Variants in CADM1 observed in about 807,000 individuals in gnomAD.
CADM1 encodes the protein TSLC-1.
In CADM1, 15 loss-of-function variants were observed where a neutral mutation model predicts 53.1. The observed-to-expected ratio is 0.28, with a 90% confidence interval of 0.19 to 0.44. CADM1 has a LOEUF of 0.44. Ranked by LOEUF, CADM1 falls within the 20% of genes least tolerant of loss-of-function variation. CADM1 has a pLI of 1.00. For synonymous variants in CADM1, 281 were observed against 243.0 expected, an observed-to-expected ratio of 1.16 and a Z score of -1.45; for missense variants, 434 against 611.3, an observed-to-expected ratio of 0.71 and a Z score of 3.06.
At chr11:115,232,910 C>T (rs1259686942) in intron 3 of CADM1, among the ~76,000 whole-genome samples, 1 of 151,990 alleles carries the variant, frequency 6.6e-6, no homozygotes, top group Non-Finnish European at 1.5e-5. Context: ...ATAAACATGC[C>T]ATCCTGATGA....
chr11:115,472,564 C>T (rs1303211403), intron 1 of CADM1, among the ~76,000 whole-genome samples: 1 of 152,142 alleles, frequency 6.6e-6, no homozygotes, highest in Non-Finnish European at 1.5e-5. Context: ...CTAAATATGA[C>T]ATTCTTCAAA....
Position 115,481,440 on chromosome 11 carries a change from C to T in CADM1, c.124+22831G>A, listed in dbSNP as rs115050648. Among the ~76,000 whole-genome samples the T allele has an allele frequency of 2.4e-3, 365 of 152,324 alleles. 2 individuals carry two copies. The highest frequency in any genetic ancestry group is 8.3e-3 in the African/African-American group (347 of 41,576). ...TTCACTCCTCTCACTAGTTCATCTTCTTCTGCCTACCTTTAATTGTTGACG... is the reference window on the plus strand; with the variant it reads ...TTCACTCCTCTCACTAGTTCATCTTTTTCTGCCTACCTTTAATTGTTGACG... On this transcript the variant is annotated intron_variant, in intron 1 of 11. Transcript: ENST00000331581.
intron 1 of CADM1, among the ~76,000 whole-genome samples, chr11:115,289,659 G>C (rs1277136778): frequency 2.1e-5 from 3 of 144,292 alleles, no homozygotes; most frequent in African/African-American, 7.8e-5. Flanking sequence ...GCAGTGGCGC[G>C]ATCTCCGCTC....
chr11:115,225,303 A>G (rs1941563141), intron 5 of CADM1, among the ~76,000 whole-genome samples: 1 of 131,242 alleles, frequency 7.6e-6, no homozygotes, highest in Non-Finnish European at 1.8e-5. Context: ...TTTCATATTT[A>G]TAATAAAAAA....
intron 1 of CADM1, among the ~76,000 whole-genome samples, chr11:115,358,370 T>C (rs576439021): frequency 2.6e-5 from 4 of 152,288 alleles, no homozygotes; most frequent in East Asian, 1.9e-4. Context: ...CTTACAATCA[T>C]GGCGGAAGGT....
intron 1 of CADM1, among the ~76,000 whole-genome samples, chr11:115,344,780 A>G (rs1291407854): frequency 6.6e-6 from 1 of 152,170 alleles, no homozygotes; most frequent in Non-Finnish European, 1.5e-5. Flanking sequence ...TTTGATACTC[A>G]GACTCTTTGA....
At position 115,176,312 on chromosome 11, in the gene CADM1, A is replaced by AT. The variant is rs201580425; in HGVS notation, c.*161dup. ...CAGCAGAGTGTACTTTCCAAAGAAC[A>AT]TTTTTTTTTTTTTTACACAGCAAAT... is the stretch of plus-strand genomic sequence containing the variant. On this transcript the variant is annotated 3_prime_UTR_variant, in exon 12 of 12. Coordinates refer to ENST00000331581, the MANE Select transcript of CADM1 (RefSeq NM_001301043.2). The AT allele has an allele frequency of 0.033, 40,329 of 1,209,488 alleles. No individual in the cohort carries two copies. The highest frequency in any genetic ancestry group is 0.041 in the Middle Eastern group (148 of 3,638). 74.9% of individuals were successfully genotyped at this position (1,209,488 alleles called of 1,614,324 possible). A position where few individuals can be genotyped will look rare whatever the true frequency, so the allele number is the denominator to read the frequency against.
chr11:115,176,558 A>T lies in CADM1; in HGVS notation c.1332T>A (p.Asp444Glu). ...TYFTHEAKGADDAADADTAII... is the reference protein window; with the variant it reads ...TYFTHEAKGAEDAADADTAII... ...TAGCTGTGTCTGCGTCTGCTGCGTC[A>T]TCGGCTCCTTTGGCTTCATGAGTGA... The change falls in exon 12 of 12, where the codon GAT becomes GAA. Residue 444 changes from aspartate (D) to glutamate (E), a missense_variant. Asp to Glu is a conservative substitution (Grantham distance 45, BLOSUM62 2). Coordinates refer to ENST00000331581, the MANE Select transcript of CADM1 (RefSeq NM_001301043.2). The T allele has an allele frequency of 5.0e-6, 8 of 1,614,064 alleles. No individual in the cohort carries two copies. Among genetic ancestry groups the T allele is most frequent in the Non-Finnish European group, 6.8e-6 (8 of 1,179,986 alleles).
intron 1 of CADM1, among the ~76,000 whole-genome samples, chr11:115,419,063 T>C (rs958526624): frequency 2.0e-5 from 3 of 152,208 alleles, no homozygotes; most frequent in Non-Finnish European, 2.9e-5. Flanking sequence ...AAAATGTAAA[T>C]GTATTCACAA....
chr11:115,189,664 A>T (rs1939749281), intron 10 of CADM1, among the ~76,000 whole-genome samples: 1 of 152,226 alleles, frequency 6.6e-6, no homozygotes, highest in African/African-American at 2.4e-5. Flanking sequence ...CACTCTCTTG[A>T]TTGGCTGTCT....
intron 1 of CADM1, among the ~76,000 whole-genome samples, chr11:115,283,108 G>T (rs1324457842): frequency 6.6e-6 from 1 of 152,078 alleles, no homozygotes; most frequent in Non-Finnish European, 1.5e-5. Flanking sequence ...AAGTGGTTGT[G>T]AATCATAACA....
chr11:115,292,153 G>T (rs1215062648), intron 1 of CADM1, among the ~76,000 whole-genome samples: 1 of 152,152 alleles, frequency 6.6e-6, no homozygotes, highest in Non-Finnish European at 1.5e-5. Context: ...CCGCACAGTC[G>T]CTGACAACCT....
chr11:115,346,449 T>A (rs1338970203), intron 1 of CADM1, among the ~76,000 whole-genome samples: 3 of 152,158 alleles, frequency 2.0e-5, no homozygotes, highest in South Asian at 2.1e-4. Context: ...CCCGGGCTGA[T>A]CTTGAATTCC....
chr11:115,265,126 C>T (rs1565333079), intron 1 of CADM1, among the ~76,000 whole-genome samples: 3 of 152,192 alleles, frequency 2.0e-5, no homozygotes, highest in African/African-American at 7.2e-5. Flanking sequence ...CCACATGCCC[C>T]TCCCCTTCTT....
At chr11:115,427,318 G>C (rs1947915547) in intron 1 of CADM1, among the ~76,000 whole-genome samples, 4 of 152,182 alleles carry the variant, frequency 2.6e-5, no homozygotes, top group Admixed American at 2.6e-4. Flanking sequence ...TATGTGTGCT[G>C]AAGAAAAAAC....
At chr11:115,400,691 A>ATATATG (rs1947130538) in intron 1 of CADM1, among the ~76,000 whole-genome samples, 1 of 104,698 alleles carries the variant, frequency 9.6e-6, no homozygotes, top group African/African-American at 3.6e-5. Flanking sequence ...ATATATATAT[A>ATATATG]TATATATATA....
rs763727502 is a variant in CADM1, at chr11:115,214,569, A to C, written c.994+39T>G. ...AAATCACAAGTAGCAGCTCCATGTGACTGACTCTAGTAGAAGAGCATTTTA... is the reference window on the plus strand; with the variant it reads ...AAATCACAAGTAGCAGCTCCATGTGCCTGACTCTAGTAGAAGAGCATTTTA... On this transcript the variant is annotated intron_variant, in intron 7 of 11. Transcript: ENST00000331581. 5 of 1,579,398 alleles carry C rather than the reference A, an allele frequency of 3.2e-6. No homozygotes were observed. In the African/African-American group the frequency reaches 6.7e-5, roughly 21 times the overall value.
chr11:115,422,260 A>G (rs1285514897), intron 1 of CADM1, among the ~76,000 whole-genome samples: 3 of 152,170 alleles, frequency 2.0e-5, no homozygotes, highest in African/African-American at 7.2e-5. Flanking sequence ...AAAGGGGACT[A>G]TTCAGGATAG....
intron 1 of CADM1, among the ~76,000 whole-genome samples, chr11:115,320,073 T>C (rs1160902538): frequency 6.6e-6 from 1 of 152,174 alleles, no homozygotes; most frequent in Admixed American, 6.5e-5. Context: ...TTCATTCATG[T>C]ATTTTTTAGA....
Sources: gnomAD v4.1 joint callset for allele counts (sites outside exome capture counted in the v4.1 genomes callset) on GRCh38, gnomAD v4.1.1 for gene constraint, MANE v1.5 for transcripts, NCBI Gene and HGNC (gene_info 2026-07-23, HGNC 2026-07-21) for gene names.